ZNF331: variants seen among roughly 807,000 people sequenced by gnomAD.
The protein encoded by ZNF331 is zinc finger protein 331.
In ZNF331, 2 loss-of-function variants were observed where a neutral mutation model predicts 7.0. The ratio of observed to expected loss-of-function variants is 0.29; its 90% CI spans 0.12 to 0.90. The LOEUF (loss-of-function observed/expected upper bound fraction) is 0.90. Ranked by LOEUF, ZNF331 falls within the 40% of genes least tolerant of loss-of-function variation. The probability of loss-of-function intolerance (pLI) is 0.58; values close to 1 mark genes in which losing one functional copy is unlikely to be tolerated. For synonymous variants in ZNF331, 196 were observed against 205.4 expected (o/e 0.95, Z 0.39); for missense variants, 432 against 587.7 (o/e 0.74, Z 2.74).
intron 2 of ZNF331, chr19:53,555,034 G>A (rs1005813017): frequency 6.4e-6 from 1 of 155,748 alleles, no homozygotes; most frequent in Non-Finnish European, 1.4e-5. Context: ...TGTGTCTCAG[G>A]CCAGTGTGTG....
At chr19:53,529,058 A>G (rs1371822411) in intron 2 of ZNF331, among the ~76,000 whole-genome samples, 3 of 152,060 alleles carry the variant, frequency 2.0e-5, no homozygotes, top group Non-Finnish European at 2.9e-5. Flanking sequence ...AGGTGCTGGG[A>G]TTACAGGCAT....
At chr19:53,547,643 G>A (rs2088701828) in intron 2 of ZNF331, among the ~76,000 whole-genome samples, 1 of 152,122 alleles carries the variant, frequency 6.6e-6, no homozygotes, top group Admixed American at 6.5e-5. Flanking sequence ...AACCAACAGT[G>A]TATAAGGGTC....
intron 3 of ZNF331, among the ~76,000 whole-genome samples, chr19:53,563,597 A>G (rs2090004099): frequency 6.6e-6 from 1 of 152,204 alleles, no homozygotes; most frequent in Admixed American, 6.6e-5. Context: ...GTAAGTAAAA[A>G]AAAAAGCAGA....
chr19:53,543,489 C>T (rs1417263441), intron 2 of ZNF331, among the ~76,000 whole-genome samples: 1 of 151,628 alleles, frequency 6.6e-6, no homozygotes, highest in Non-Finnish European at 1.5e-5. Context: ...GTCTCAAACT[C>T]CTGACCTCGT....
Position 53,577,394 on chromosome 19 carries a change from G to A in ZNF331, c.834G>A (p.Lys278=), listed in dbSNP as rs1302373212. Residue 278 remains lysine (K), a synonymous_variant, in exon 6 of 6, where the codon AAG becomes AAA. Transcript: ENST00000449416. ...CTTACGAGTGTAAAGACTGTGGGAA[G>A]GCTTTTATTTGTGGTTCAAGCCTCA... ...EKPYECKDCG[K]AFICGSSLIQ... is the part of the protein sequence containing the mutation. 3 of 1,614,236 alleles carry A rather than the reference G, an allele frequency of 1.9e-6. No homozygotes were observed. The highest frequency in any genetic ancestry group is 2.5e-6 in the Non-Finnish European group (3 of 1,180,032).
chr19:53,546,103 C>G (rs1451786059), intron 2 of ZNF331, among the ~76,000 whole-genome samples: 1 of 137,390 alleles, frequency 7.3e-6, no homozygotes, highest in East Asian at 2.3e-4. Context: ...TTCCTTTCCC[C>G]TAGGCTGGCA....
At position 53,539,798 on chromosome 19, in the gene ZNF331, T is replaced by G. The variant is rs973581706; in HGVS notation, c.-138+516T>G. 6.6e-6 allele frequency among the ~76,000 whole-genome samples: 1 copy of G among 152,214 alleles called. No homozygotes were observed. The highest frequency in any genetic ancestry group is 2.4e-5 in the African/African-American group (1 of 41,450). On this transcript the variant is annotated intron_variant, in intron 2 of 5. Coordinates refer to ENST00000449416, the MANE Select transcript of ZNF331 (RefSeq NM_001079906.2). The surrounding 1 kb of genome is among the most constrained non-coding windows in gnomAD (Gnocchi z 6.1). ...ATGCCCCAAAGACATTTAGACCCAT[T>G]GGTCTACAATCGAAGGCTGTGTACC...
At position 53,571,016 on chromosome 19, in the gene ZNF331, G is replaced by A. The variant is rs184316572; in HGVS notation, c.10-588G>A. 3.3e-3 allele frequency among the ~76,000 whole-genome samples: 499 copies of A among 151,630 alleles called. 4 individuals are homozygous for A. Among genetic ancestry groups the A allele is most frequent in the African/African-American group, 0.012 (480 of 41,334 alleles). ...TGGGACTACAGGCGCCCACCATCACGCCCGGCTAATTTTTTTGTATTTTTA... is the reference window on the plus strand; with the variant it reads ...TGGGACTACAGGCGCCCACCATCACACCCGGCTAATTTTTTTGTATTTTTA... On this transcript the variant is annotated intron_variant, in intron 4 of 5. Transcript: ENST00000449416. This position sits in a 1 kb window ranked among gnomAD's most constrained non-coding sequence, Gnocchi z 4.7.
chr19:53,516,544 G>A (rs2086908832), upstream of ZNF331, among the ~76,000 whole-genome samples: 1 of 151,946 alleles, frequency 6.6e-6, no homozygotes, highest in Non-Finnish European at 1.5e-5. Context: ...GAGCACTTCT[G>A]TTTTCTGAGT....
chr19:53,506,480 C>G, the ZNF331 span, among the ~76,000 whole-genome samples: 1 of 129,242 alleles, frequency 7.7e-6, no homozygotes, highest in African/African-American at 3.0e-5. Flanking sequence ...CTCTCTCTCT[C>G]TGTCTGTCTC....
At chr19:53,536,771 C>T (rs777552229), upstream of ZNF331, among the ~76,000 whole-genome samples, 2 of 152,124 alleles carry the variant, frequency 1.3e-5, no homozygotes, top group Non-Finnish European at 2.9e-5. Flanking sequence ...GGCGTGGTAG[C>T]GCATGCCTGT....
At chr19:53,510,707 C>G in the ZNF331 span, among the ~76,000 whole-genome samples, 1 of 152,068 alleles carries the variant, frequency 6.6e-6, no homozygotes, top group Admixed American at 6.5e-5. Flanking sequence ...TAACTCCCAA[C>G]TGAATGTATC....
In ZNF331 at chr19:53,571,772, T is replaced by C; in HGVS notation, c.136+42T>C. ...AGATAACTTAGACTGCCTCCTGGAA[T>C]ATCCGCTCTCCCCTGTGAATTTCAG... On this transcript the variant is annotated intron_variant, in intron 5 of 5. Coordinates refer to ENST00000449416, the MANE Select transcript of ZNF331 (RefSeq NM_001079906.2). The surrounding 1 kb of genome is among the most constrained non-coding windows in gnomAD (Gnocchi z 4.7). 1.3e-6 allele frequency: 2 copies of C among 1,568,840 alleles called. No individual in the cohort carries two copies. Among genetic ancestry groups the C allele is most frequent in the Non-Finnish European group, 1.7e-6 (2 of 1,157,800 alleles).
the ZNF331 span, chr19:53,503,369 A>C: frequency 2.2e-6 from 1 of 445,460 alleles, no homozygotes; most frequent in East Asian, 4.7e-5. Context: ...GAAGATAAGT[A>C]GCAGCCTGTG....
At chr19:53,519,944 C>T (rs1277226534), upstream of ZNF331, among the ~76,000 whole-genome samples, 1 of 152,170 alleles carries the variant, frequency 6.6e-6, no homozygotes, top group Non-Finnish European at 1.5e-5. Context: ...TTTCCAAGAA[C>T]GCTCTGGAGG....
intron 3 of ZNF331, among the ~76,000 whole-genome samples, chr19:53,563,505 A>G (rs896425595): frequency 6.6e-6 from 1 of 152,162 alleles, no homozygotes; most frequent in African/African-American, 2.4e-5. Flanking sequence ...ACAGAATTTC[A>G]TTCTTCACAC....
rs2090556933 is a variant in ZNF331 at position 53,573,408 on chromosome 19, G to A, written c.136+1678G>A. 6.6e-6 allele frequency among the ~76,000 whole-genome samples: 1 copy of A among 152,022 alleles called. No homozygotes were observed. Among genetic ancestry groups the A allele is most frequent in the Non-Finnish European group, 1.5e-5 (1 of 68,000 alleles). On this transcript the variant is annotated intron_variant, in intron 5 of 5. Transcript: ENST00000449416. This position sits in a 1 kb window ranked among gnomAD's most constrained non-coding sequence, Gnocchi z 4.2. The stretch of plus-strand genomic sequence containing the variant: ...CGCATGCCTGTAATTCCAGCTACTT[G>A]GGAGGCTGAGGCAGGAGAATCACTT...
chr19:53,528,986 A>G (rs62143892), intron 2 of ZNF331, among the ~76,000 whole-genome samples: 39,860 of 151,848 alleles, frequency 0.26, 6,190 homozygotes, highest in African/African-American at 0.43. Context: ...GAGGTTTCAC[A>G]ATGTTGGCCA....
rs762495183 is a variant in ZNF331 at position 53,560,364 on chromosome 19, C to T, written c.-74+4456C>T. Among the ~76,000 whole-genome samples the T allele has an allele frequency of 3.9e-5, 6 of 151,906 alleles. No individual in the cohort carries two copies. The highest frequency in any genetic ancestry group is 5.9e-5 in the Non-Finnish European group (4 of 67,974). On this transcript the variant is annotated intron_variant, in intron 3 of 5. Coordinates refer to ENST00000449416, the MANE Select transcript of ZNF331 (RefSeq NM_001079906.2). The surrounding 1 kb of genome is among the most constrained non-coding windows in gnomAD (Gnocchi z 4.3). Reference sequence around the variant, plus strand: ...CACCATATATATACAGACACATATACACACCCACAGATAGACACACATATA... The same window carrying T: ...CACCATATATATACAGACACATATATACACCCACAGATAGACACACATATA...
Sources: allele counts gnomAD v4.1 joint callset (sites outside exome capture counted in the v4.1 genomes callset), GRCh38; gene constraint gnomAD v4.1.1; non-coding constraint Gnocchi (gnomAD v3.1); transcripts MANE v1.5; gene names NCBI Gene and HGNC (gene_info 2026-07-23, HGNC 2026-07-21).